PDLIM5: variants seen among roughly 807,000 people sequenced by gnomAD.
PDLIM5 encodes the protein PDZ and LIM domain protein 5.
A neutral mutation model predicts 64.2 loss-of-function variants in PDLIM5; 34 were observed. The observed-to-expected ratio is 0.53, with a 90% CI of 0.40 to 0.71. PDLIM5 has a LOEUF of 0.71. PDLIM5 is among the 30% of genes least tolerant of loss of function. The pLI is 0.00. For synonymous variants in PDLIM5, 253 were observed against 269.1 expected (o/e 0.94, Z 0.59); for missense variants, 683 against 733.6 (o/e 0.93, Z 0.80).
rs200941910 is a variant in PDLIM5, at chr4:94,658,890, T to TTTTG, written c.1585+1364_1585+1367dup. Among the ~76,000 whole-genome samples, 1,303 of 152,180 alleles carry TTTTG rather than the reference T, an allele frequency of 8.6e-3. 17 individuals carry two copies. The highest frequency in any genetic ancestry group is 0.029 in the African/African-American group (1,206 of 41,508). On this transcript the variant is annotated intron_variant, in intron 11 of 12. Transcript: ENST00000317968. ...TAATTTTTCTGAAGAAAGGGCTGGG[T>TTTTG]TTTGTTTGTTTGTTTGTTTGTTTGG... is the stretch of plus-strand genomic sequence containing the variant.
chr4:94,573,995 G>A (rs1267796369), intron 4 of PDLIM5, among the ~76,000 whole-genome samples: 3 of 152,050 alleles, frequency 2.0e-5, no homozygotes, highest in African/African-American at 7.2e-5. Context: ...TCTGAACACT[G>A]ACATGCTCAC....
chr4:94,494,818 G>A (rs1446283719), intron 2 of PDLIM5, among the ~76,000 whole-genome samples: 1 of 148,512 alleles, frequency 6.7e-6, no homozygotes. Context: ...GTGCAATCTC[G>A]GCTCACTGCA....
intron 2 of PDLIM5, among the ~76,000 whole-genome samples, chr4:94,466,317 T>C (rs184294567): frequency 6.6e-6 from 1 of 152,302 alleles, no homozygotes; most frequent in East Asian, 1.9e-4. Flanking sequence ...AAAACTTGTA[T>C]GTATGGGAGT....
intron 3 of PDLIM5, among the ~76,000 whole-genome samples, chr4:94,562,750 G>A (rs1242709204): frequency 6.6e-6 from 1 of 152,094 alleles, no homozygotes; most frequent in Non-Finnish European, 1.5e-5. Context: ...GAGAGAGGGT[G>A]CATTAATTCT....
chr4:94,598,846 A>G (rs1169950972), intron 7 of PDLIM5, among the ~76,000 whole-genome samples: 1 of 152,090 alleles, frequency 6.6e-6, no homozygotes, highest in African/African-American at 2.4e-5. Context: ...TTGAGCTGAA[A>G]TGTGAGTGCC....
chr4:94,660,285 T>G (rs1742579191), intron 11 of PDLIM5, among the ~76,000 whole-genome samples: 1 of 152,190 alleles, frequency 6.6e-6, no homozygotes, highest in African/African-American at 2.4e-5. Context: ...AGCAGCCCTT[T>G]GGCATTTTTC....
intron 3 of PDLIM5, among the ~76,000 whole-genome samples, chr4:94,567,214 C>T (rs758041379): frequency 4.6e-5 from 7 of 152,162 alleles, no homozygotes; most frequent in African/African-American, 7.2e-5. Context: ...AGGATGATCT[C>T]GATCTCCTGA....
chr4:94,454,413 A>G (rs1373932243), intron 1 of PDLIM5, among the ~76,000 whole-genome samples: 1 of 152,070 alleles, frequency 6.6e-6, no homozygotes. Context: ...AGAACAGACA[A>G]AAGAAAGCAC....
In PDLIM5 at chr4:94,523,880, G is replaced by A; in HGVS notation, c.248+5G>A. The A allele has an allele frequency of 6.2e-7, 1 of 1,606,716 alleles. No homozygotes were observed. The highest frequency in any genetic ancestry group is 1.1e-5 in the South Asian group (1 of 90,396). The stretch of plus-strand genomic sequence containing the variant: ...TTTGAATATGACTCTGCAAAGGTAA[G>A]TTGCTTTTTGTTTGTCCCTGAAAGA... On this transcript the variant is annotated splice_donor_5th_base_variant and intron_variant, in intron 3 of 12. Coordinates refer to ENST00000317968, the MANE Select transcript of PDLIM5 (RefSeq NM_006457.5).
At chr4:94,599,946 G>A (rs1254848284) in intron 7 of PDLIM5, among the ~76,000 whole-genome samples, 2 of 152,180 alleles carry the variant, frequency 1.3e-5, no homozygotes, top group Non-Finnish European at 2.9e-5. Context: ...TAGTAAAACA[G>A]TAATGGGTTT....
intron 3 of PDLIM5, among the ~76,000 whole-genome samples, chr4:94,527,826 T>C (rs1730508760): frequency 6.6e-6 from 1 of 152,202 alleles, no homozygotes; most frequent in East Asian, 1.9e-4. Flanking sequence ...TGGAAGTATG[T>C]TGTGTGAGTA....
At chr4:94,611,862 A>G (rs779987218) in intron 7 of PDLIM5, among the ~76,000 whole-genome samples, 1 of 152,256 alleles carries the variant, frequency 6.6e-6, no homozygotes, top group African/African-American at 2.4e-5. Context: ...AAAACCTGAT[A>G]TAACTAGGCT....
chr4:94,534,329 G>C (rs1731137471), intron 3 of PDLIM5, among the ~76,000 whole-genome samples: 1 of 152,108 alleles, frequency 6.6e-6, no homozygotes, highest in East Asian at 1.9e-4. Flanking sequence ...GATACTTTTA[G>C]AATAAATTTT....
At chr4:94,662,274 T>C in intron 11 of PDLIM5, 148 bp from the exon 12 acceptor site, 7 of 498,306 alleles carry the variant, frequency 1.4e-5, no homozygotes, top group Non-Finnish European at 2.2e-5. Flanking sequence ...AAGCCAAATG[T>C]TATGCCATCT....
chr4:94,499,646 C>G (rs1286173511), intron 2 of PDLIM5, among the ~76,000 whole-genome samples: 1 of 152,162 alleles, frequency 6.6e-6, no homozygotes, highest in Admixed American at 6.5e-5. Context: ...ATATAAGGCA[C>G]TAGTCCCCAG....
At chr4:94,521,170 A>G (rs1219599471) in intron 2 of PDLIM5, among the ~76,000 whole-genome samples, 1 of 152,208 alleles carries the variant, frequency 6.6e-6, no homozygotes, top group Admixed American at 6.5e-5. Context: ...AGCAGAAGAC[A>G]TTTGCAATTT....
chr4:94,529,669 A>T (rs962299515), intron 3 of PDLIM5, among the ~76,000 whole-genome samples: 1 of 152,168 alleles, frequency 6.6e-6, no homozygotes, highest in Admixed American at 6.5e-5. Flanking sequence ...AAAAAATAAG[A>T]CTTGACTCAG....
At chr4:94,659,911 T>G (rs1324111933) in intron 11 of PDLIM5, among the ~76,000 whole-genome samples, 1 of 151,172 alleles carries the variant, frequency 6.6e-6, no homozygotes, top group Non-Finnish European at 1.5e-5. Context: ...TTTTTTTTTT[T>G]TTTGAGATGG....
chr4:94,647,179 T>C (rs2110473335), intron 9 of PDLIM5, among the ~76,000 whole-genome samples: 1 of 152,240 alleles, frequency 6.6e-6, no homozygotes, highest in East Asian at 1.9e-4. Context: ...AACATAAATA[T>C]ATCACACACT....
Sources: allele counts gnomAD v4.1 joint callset (sites outside exome capture counted in the v4.1 genomes callset), GRCh38; gene constraint gnomAD v4.1.1; transcripts MANE v1.5; gene names NCBI Gene and HGNC (gene_info 2026-07-23, HGNC 2026-07-21).